C8orf34: variants seen among roughly 807,000 people sequenced by gnomAD.
C8orf34 encodes the protein chromosome 8 open reading frame 34, also known as uncharacterized protein C8orf34.
A neutral mutation model predicts 68.3 loss-of-function variants in C8orf34; 65 were observed. That is an observed-to-expected ratio of 0.95 (90% CI 0.78 to 1.17). The LOEUF (loss-of-function observed/expected upper bound fraction) is 1.17, where lower values mean the gene tolerates loss of function less well. Ranked by LOEUF, C8orf34 falls within the 50% of genes most tolerant of loss-of-function variation. The probability of loss-of-function intolerance (pLI) is 0.00; values close to 1 mark genes in which losing one functional copy is unlikely to be tolerated. For synonymous variants in C8orf34, 244 were observed against 241.2 expected (o/e 1.01, Z -0.11); for missense variants, 664 against 655.4 (o/e 1.01, Z -0.14).
chr8:68,817,761 G>A (rs1824862121), intron 13 of C8orf34, among the ~76,000 whole-genome samples: 1 of 152,176 alleles, frequency 6.6e-6, no homozygotes, highest in Non-Finnish European at 1.5e-5. Context: ...CAGCATGGCT[G>A]GGGAGACCTC....
intron 1 of C8orf34, among the ~76,000 whole-genome samples, chr8:68,424,668 A>G (rs1313165664): frequency 6.6e-6 from 1 of 152,186 alleles, no homozygotes; most frequent in Admixed American, 6.5e-5. Flanking sequence ...TGGGAGGCTG[A>G]GGCGGGCAGA....
intron 10 of C8orf34, among the ~76,000 whole-genome samples, chr8:68,757,624 A>AAAT (rs1822903685): frequency 3.3e-5 from 5 of 151,826 alleles, no homozygotes; most frequent in African/African-American, 1.2e-4. Flanking sequence ...CCGTCTCAAA[A>AAAT]AAATAAATAA....
intron 1 of C8orf34, among the ~76,000 whole-genome samples, chr8:68,340,802 C>G (rs1387533389): frequency 2.0e-5 from 3 of 152,112 alleles, no homozygotes; most frequent in Non-Finnish European, 4.4e-5. Flanking sequence ...TTTTATGAAG[C>G]TAGTTTTACC....
intron 1 of C8orf34, among the ~76,000 whole-genome samples, chr8:68,337,567 T>C (rs1173110498): frequency 1.3e-5 from 2 of 152,132 alleles, no homozygotes; most frequent in Admixed American, 6.5e-5. Context: ...ATGTGGTCTC[T>C]ATGTGAATGG....
intron 12 of C8orf34, among the ~76,000 whole-genome samples, chr8:68,798,075 G>T (rs954216201): frequency 6.6e-6 from 1 of 152,056 alleles, no homozygotes; most frequent in South Asian, 2.1e-4. Context: ...GTAGTCTGTA[G>T]TAGGTTCTTT....
chr8:68,635,192 C>G (rs1189586769), intron 7 of C8orf34, among the ~76,000 whole-genome samples: 1 of 152,178 alleles, frequency 6.6e-6, no homozygotes, highest in Non-Finnish European at 1.5e-5. Flanking sequence ...TTATTACCTT[C>G]TTTACATATG....
intron 3 of C8orf34, among the ~76,000 whole-genome samples, chr8:68,454,951 T>A (rs1386000521): frequency 2.1e-5 from 3 of 140,814 alleles, no homozygotes; most frequent in African/African-American, 4.9e-5. Flanking sequence ...TGTTTTCATA[T>A]TTTTTTTTGT....
chr8:68,421,765 A>C (rs977072654), intron 1 of C8orf34, among the ~76,000 whole-genome samples: 1 of 152,208 alleles, frequency 6.6e-6, no homozygotes, highest in African/African-American at 2.4e-5. Flanking sequence ...GTCTGTTCTC[A>C]TACTGCTATG....
chr8:68,403,535 G>A (rs1809051125), intron 1 of C8orf34, among the ~76,000 whole-genome samples: 1 of 151,346 alleles, frequency 6.6e-6, no homozygotes, highest in East Asian at 2.0e-4. Flanking sequence ...CCCTCCCCTA[G>A]CCCCCCACCC....
chr8:68,737,468 C>G (rs995915983), intron 10 of C8orf34, among the ~76,000 whole-genome samples: 3 of 151,950 alleles, frequency 2.0e-5, no homozygotes, highest in Non-Finnish European at 4.4e-5. Context: ...TTAAAAGGCA[C>G]AGAATGGTCA....
intron 5 of C8orf34, among the ~76,000 whole-genome samples, chr8:68,510,350 A>G (rs376309866): frequency 1.3e-5 from 2 of 152,296 alleles, no homozygotes; most frequent in East Asian, 3.9e-4. Context: ...TTACTTTCCC[A>G]AAAGGAAACC....
intron 8 of C8orf34, among the ~76,000 whole-genome samples, chr8:68,640,950 T>G (rs553522491): frequency 2.8e-4 from 42 of 152,348 alleles, no homozygotes; most frequent in Admixed American, 2.2e-3. Flanking sequence ...TTTAATCAGC[T>G]TGACACTTTC....
chr8:68,563,951 G>A (rs1447125907), intron 7 of C8orf34, among the ~76,000 whole-genome samples: 1 of 152,124 alleles, frequency 6.6e-6, no homozygotes. Flanking sequence ...AGGAGCTTTT[G>A]CACAATATTC....
intron 8 of C8orf34, among the ~76,000 whole-genome samples, chr8:68,676,065 C>T (rs1025554879): frequency 1.3e-5 from 2 of 152,044 alleles, no homozygotes; most frequent in South Asian, 2.1e-4. Flanking sequence ...CCTGGCATGG[C>T]GGAGCATGCA....
At chr8:68,610,349 G>A (rs373592785) in intron 7 of C8orf34, among the ~76,000 whole-genome samples, 2 of 152,100 alleles carry the variant, frequency 1.3e-5, no homozygotes, top group Non-Finnish European at 2.9e-5. Context: ...AGTTAGTGTT[G>A]ACACTTCTAT....
intron 5 of C8orf34, among the ~76,000 whole-genome samples, chr8:68,490,300 T>C (rs1304754995): frequency 6.6e-6 from 1 of 152,218 alleles, no homozygotes; most frequent in Non-Finnish European, 1.5e-5. Flanking sequence ...CGGTTGTTAC[T>C]GTGCTTGGCT....
intron 7 of C8orf34, among the ~76,000 whole-genome samples, chr8:68,631,700 T>G (rs1042332378): frequency 6.6e-6 from 1 of 151,814 alleles, no homozygotes; most frequent in African/African-American, 2.4e-5. Flanking sequence ...ATCATGGGAG[T>G]GGTTTACACC....
chr8:68,794,035 G>C (rs983946601), intron 12 of C8orf34, among the ~76,000 whole-genome samples: 3 of 152,046 alleles, frequency 2.0e-5, no homozygotes, highest in African/African-American at 7.2e-5. Flanking sequence ...CATAACAAAT[G>C]TTATATTCAT....
intron 1 of C8orf34, among the ~76,000 whole-genome samples, chr8:68,336,619 A>G (rs1178773793): frequency 6.6e-6 from 1 of 152,176 alleles, no homozygotes; most frequent in Non-Finnish European, 1.5e-5. Context: ...TTAAGTGCAT[A>G]TACCTACATT....
Sources: allele counts gnomAD v4.1 joint callset (sites outside exome capture counted in the v4.1 genomes callset), GRCh38; gene constraint gnomAD v4.1.1; transcripts MANE v1.5; gene names NCBI Gene and HGNC (gene_info 2026-07-23, HGNC 2026-07-21).